Variants in HERPUD2 observed in about 807,000 individuals in gnomAD.
HERPUD2 encodes HERPUD family member 2, also known as homocysteine-responsive endoplasmic reticulum-resident ubiquitin-like domain member 2 protein.
A neutral mutation model predicts 49.9 loss-of-function variants in HERPUD2; 13 were observed. That is an observed-to-expected ratio of 0.26 (90% CI 0.17 to 0.41). The LOEUF is 0.41. Among genes scored for constraint, HERPUD2 ranks in the 10% least tolerant of loss-of-function variants. The pLI is 1.00. For synonymous variants in HERPUD2, 172 were observed against 171.4 expected, an observed-to-expected ratio of 1.00 and a Z score of -0.03; for missense variants, 449 against 492.2, an observed-to-expected ratio of 0.91 and a Z score of 0.83.
chr7:35,666,614 C>A (rs1371643591), intron 5 of HERPUD2, among the ~76,000 whole-genome samples: 1 of 152,182 alleles, frequency 6.6e-6, no homozygotes, highest in Non-Finnish European at 1.5e-5. Context: ...TCCTTTACCT[C>A]AAAAATAACA....
intron 5 of HERPUD2, among the ~76,000 whole-genome samples, chr7:35,657,750 A>G (rs925987900): frequency 6.6e-6 from 1 of 151,332 alleles, no homozygotes; most frequent in Non-Finnish European, 1.5e-5. Context: ...TCTACTAAAA[A>G]ATACAAAAAA....
intron 5 of HERPUD2, among the ~76,000 whole-genome samples, chr7:35,647,290 T>G (rs1184386772): frequency 1.3e-5 from 2 of 152,126 alleles, no homozygotes; most frequent in African/African-American, 4.8e-5. Flanking sequence ...TGTTATCACC[T>G]CTGAAGCCCT....
At chr7:35,682,713 A>G (rs1785942113) in intron 2 of HERPUD2, among the ~76,000 whole-genome samples, 1 of 152,016 alleles carries the variant, frequency 6.6e-6, no homozygotes, top group African/African-American at 2.4e-5. Context: ...AAAAGAATTC[A>G]GCAAAATTTC....
At chr7:35,651,889 G>A (rs1290289935) in intron 5 of HERPUD2, among the ~76,000 whole-genome samples, 3 of 152,142 alleles carry the variant, frequency 2.0e-5, no homozygotes, top group African/African-American at 7.2e-5. Context: ...AAAAGCACCT[G>A]AGGAGAGTGA....
At chr7:35,644,380 T>C (rs1257140370) in intron 5 of HERPUD2, among the ~76,000 whole-genome samples, 1 of 152,058 alleles carries the variant, frequency 6.6e-6, no homozygotes, top group Non-Finnish European at 1.5e-5. Flanking sequence ...GTCAGCTATA[T>C]TTAGACCACT....
intron 5 of HERPUD2, among the ~76,000 whole-genome samples, chr7:35,661,965 G>C: frequency 6.6e-6 from 1 of 152,168 alleles, no homozygotes; most frequent in East Asian, 1.9e-4. Context: ...TTTTCAAAGG[G>C]AATGCTTCCA....
Position 35,633,555 on chromosome 7 carries a change from T to C in HERPUD2, c.*135A>G, listed in dbSNP as rs1246060554. ...TTCGTGCTTAAAATATTCATATGCA[T>C]GAGAAGCCTAAAGAAAAAAAACACC... On this transcript the variant is annotated 3_prime_UTR_variant, in exon 9 of 9. Coordinates refer to ENST00000311350, the MANE Select transcript of HERPUD2 (RefSeq NM_022373.5). 2 of 599,268 alleles carry C rather than the reference T, an allele frequency of 3.3e-6. No homozygotes were observed. Among genetic ancestry groups the C allele is most frequent in the Non-Finnish European group, 5.5e-6 (2 of 361,154 alleles). The allele number at this position is 599,268 out of a possible 1,614,324, so 37.1% of individuals were successfully genotyped here.
Position 35,670,233 on chromosome 7 carries a change from C to T in HERPUD2, c.321G>A (p.Leu107=). The change falls in exon 4 of 9, where the codon TTG becomes TTA. Residue 107 remains leucine (L), a synonymous_variant. Coordinates refer to ENST00000311350, the MANE Select transcript of HERPUD2 (RefSeq NM_022373.5). ...AACTCACAGAATTGCTGCTGGATGC[C>T]AATGCTTCATGACTTTCTCTATTGG... is the stretch of plus-strand genomic sequence containing the variant. ...SSTNRESHEA[L]ASSSNSSSDH... 1 of 1,566,094 alleles carries T rather than the reference C, an allele frequency of 6.4e-7. No homozygotes were observed. Among genetic ancestry groups the T allele is most frequent in the Non-Finnish European group, 8.7e-7 (1 of 1,148,992 alleles).
intron 5 of HERPUD2, among the ~76,000 whole-genome samples, chr7:35,640,792 G>A (rs1200866095): frequency 1.3e-5 from 2 of 152,096 alleles, no homozygotes; most frequent in African/African-American, 4.8e-5. Flanking sequence ...ATATGTTAGA[G>A]GATGCATCAT....
chr7:35,652,090 A>G (rs1312318209), intron 5 of HERPUD2, among the ~76,000 whole-genome samples: 1 of 152,100 alleles, frequency 6.6e-6, no homozygotes, highest in Non-Finnish European at 1.5e-5. Context: ...GCCTCTTTCA[A>G]TTTTTATAAG....
chr7:35,633,443 TA>T lies in HERPUD2; in HGVS notation c.*246del, dbSNP rs1784816219. ...GTATACTACACATAATTGAAATGAG[TA>T]ACACCTGGAAGACCAATATTGTTAC... On this transcript the variant is annotated 3_prime_UTR_variant, in exon 9 of 9. Transcript: ENST00000311350. 2 of 274,018 alleles carry T rather than the reference TA, an allele frequency of 7.3e-6. No individual in the cohort carries two copies. Among genetic ancestry groups the T allele is most frequent in the Non-Finnish European group, 1.3e-5 (2 of 149,076 alleles). The allele number at this position is 274,018 out of a possible 1,614,324, so 17.0% of individuals were successfully genotyped here. A position where few individuals can be genotyped will look rare whatever the true frequency, so the allele number is the denominator to read the frequency against.
chr7:35,640,055 T>A (rs144311063), intron 5 of HERPUD2, among the ~76,000 whole-genome samples: 7 of 152,260 alleles, frequency 4.6e-5, no homozygotes, highest in Non-Finnish European at 1.0e-4. Flanking sequence ...CTCAACCCAG[T>A]TATTCCTTTA....
chr7:35,647,344 C>G (rs1785074269), intron 5 of HERPUD2, among the ~76,000 whole-genome samples: 2 of 152,270 alleles, frequency 1.3e-5, no homozygotes, highest in Non-Finnish European at 2.9e-5. Flanking sequence ...CCTCCAGGCT[C>G]CCTCAGCATT....
chr7:35,683,735 T>C (rs1785967022), intron 2 of HERPUD2, among the ~76,000 whole-genome samples: 1 of 151,766 alleles, frequency 6.6e-6, no homozygotes, highest in African/African-American at 2.4e-5. Flanking sequence ...AAAAATCCCA[T>C]CAAAAAGTGG....
chr7:35,667,373 A>G (rs1459271119), intron 5 of HERPUD2, 61 bp downstream of exon 5: 7 of 1,484,936 alleles, frequency 4.7e-6, no homozygotes, highest in Non-Finnish European at 6.5e-6. Flanking sequence ...AGTGAAACTC[A>G]AAAGCAATTC....
At chr7:35,678,229 T>C (rs1785807393) in intron 2 of HERPUD2, among the ~76,000 whole-genome samples, 1 of 139,954 alleles carries the variant, frequency 7.1e-6, no homozygotes, top group South Asian at 2.6e-4. Flanking sequence ...TGACTGTCAC[T>C]TCACATTATT....
intron 5 of HERPUD2, among the ~76,000 whole-genome samples, chr7:35,660,172 C>T (rs1785381203): frequency 6.6e-6 from 1 of 152,168 alleles, no homozygotes; most frequent in African/African-American, 2.4e-5. Context: ...ATGATGGTTT[C>T]CAGCTTCATC....
chr7:35,677,049 A>T (rs1785777779), intron 2 of HERPUD2, among the ~76,000 whole-genome samples: 1 of 152,160 alleles, frequency 6.6e-6, no homozygotes, highest in Non-Finnish European at 1.5e-5. Flanking sequence ...TTTTATAATT[A>T]TATCTAACAA....
chr7:35,675,714 A>G (rs1785746595), intron 2 of HERPUD2, among the ~76,000 whole-genome samples: 1 of 152,088 alleles, frequency 6.6e-6, no homozygotes, highest in Non-Finnish European at 1.5e-5. Context: ...TTCTTGTCTC[A>G]TCCATCCCTC....
Sources: allele counts gnomAD v4.1 joint callset (sites outside exome capture counted in the v4.1 genomes callset), GRCh38; gene constraint gnomAD v4.1.1; transcripts MANE v1.5; gene names NCBI Gene and HGNC (gene_info 2026-07-23, HGNC 2026-07-21).